Variants in SEZ6L observed in about 807,000 individuals in gnomAD.
SEZ6L encodes seizure related 6 homolog like.
In SEZ6L, 37 loss-of-function variants were observed where a neutral mutation model predicts 106.2. The observed-to-expected ratio is 0.35, with a 90% CI of 0.27 to 0.46. The LOEUF is 0.46. Among genes scored for constraint, SEZ6L ranks in the 20% least tolerant of loss-of-function variants. The pLI, the probability that SEZ6L is intolerant of heterozygous loss-of-function variation, is 1.00. For synonymous variants in SEZ6L, 541 were observed against 570.4 expected (o/e 0.95, Z 0.73); for missense variants, 1,172 against 1,332.8 (o/e 0.88, Z 1.88).
chr22:26,306,218 C>A lies in SEZ6L; in HGVS notation c.1514+74C>A, dbSNP rs1390123526. On this transcript the variant is annotated intron_variant, in intron 6 of 16. Transcript: ENST00000248933. ...AGAACATGGCTTGAGGACTTGGAGT[C>A]TTGAAATGGCTGAAGCTTTGACCCT... 10 of 1,511,184 alleles carry A rather than the reference C, an allele frequency of 6.6e-6. No homozygotes were observed. The Admixed American group carries it at 1.8e-4, about 27-fold the overall frequency. The allele number at this position is 1,511,184 out of a possible 1,614,324, so 93.6% of individuals were successfully genotyped here. A position where few individuals can be genotyped will look rare whatever the true frequency, so the allele number is the denominator to read the frequency against.
At chr22:26,303,918 A>C (rs1009927292) in intron 5 of SEZ6L, among the ~76,000 whole-genome samples, 1 of 152,162 alleles carries the variant, frequency 6.6e-6, no homozygotes, top group Admixed American at 6.5e-5. Flanking sequence ...AAAAGATAGA[A>C]ATGGCTCCCA....
chr22:26,295,399 G>A (rs1391758191), intron 3 of SEZ6L, among the ~76,000 whole-genome samples: 5 of 152,194 alleles, frequency 3.3e-5, no homozygotes, highest in Admixed American at 2.6e-4. Flanking sequence ...AAGTTTCTGA[G>A]CTGGGGCAGG....
At chr22:26,317,719 C>T (rs1274836917) in intron 9 of SEZ6L, among the ~76,000 whole-genome samples, 1 of 152,064 alleles carries the variant, frequency 6.6e-6, no homozygotes. Flanking sequence ...GAAGGGAGCC[C>T]TTGCAGCGGG....
At chr22:26,284,131 AG>A (rs766864053) in intron 1 of SEZ6L, among the ~76,000 whole-genome samples, 30 of 152,210 alleles carry the variant, frequency 2.0e-4, no homozygotes, top group Non-Finnish European at 4.1e-4. Context: ...CCCACCATAC[AG>A]ATGAGAACAG....
At chr22:26,198,526 A>G (rs1252676452) in intron 1 of SEZ6L, among the ~76,000 whole-genome samples, 2 of 152,258 alleles carry the variant, frequency 1.3e-5, no homozygotes, top group Non-Finnish European at 2.9e-5. Flanking sequence ...TGATACCAGC[A>G]TATACACAGA....
chr22:26,172,846 A>G (rs1938719480), intron 1 of SEZ6L, among the ~76,000 whole-genome samples: 1 of 152,238 alleles, frequency 6.6e-6, no homozygotes, highest in Admixed American at 6.5e-5. Context: ...TCCAAGGAAA[A>G]TGTCAATCCA....
rs601548 is a variant in SEZ6L at position 26,381,985 on chromosome 22, T to G, written c.*1690T>G. 78,458 of 517,632 alleles carry G rather than the reference T, an allele frequency of 0.15. 6,835 individuals are homozygous for G. The highest frequency in any genetic ancestry group is 0.19 in the Non-Finnish European group (49,795 of 259,230). 32.1% of individuals were successfully genotyped at this position (517,632 alleles called of 1,614,324 possible). On this transcript the variant is annotated 3_prime_UTR_variant, in exon 17 of 17. Transcript: ENST00000248933. ...TACATTGGAAACATCTTAAGCAAGA[T>G]AGGGAAAGTTGATTTTAGGCACACA...
chr22:26,331,385 TC>T (rs1208400356), intron 9 of SEZ6L, among the ~76,000 whole-genome samples: 1 of 152,150 alleles, frequency 6.6e-6, no homozygotes, highest in African/African-American at 2.4e-5. Context: ...TACAAAAAGG[TC>T]TACTGTGAAA....
At position 26,382,198 on chromosome 22, in the gene SEZ6L, G is replaced by T. The variant is rs1004337123; in HGVS notation, c.*1903G>T. 3 of 366,026 alleles carry T rather than the reference G, an allele frequency of 8.2e-6. No homozygotes were observed. The highest frequency in any genetic ancestry group is 1.6e-5 in the Non-Finnish European group (3 of 184,454). The allele number at this position is 366,026 out of a possible 1,614,324, so 22.7% of individuals were successfully genotyped here. ...CCCATTTAATGCAAGAACCAGAGAA[G>T]TGTTCTAGGCCATTAGTGGACAATG... is the stretch of plus-strand genomic sequence containing the variant. On this transcript the variant is annotated 3_prime_UTR_variant, in exon 17 of 17. Coordinates refer to ENST00000248933, the MANE Select transcript of SEZ6L (RefSeq NM_021115.5).
At chr22:26,178,049 T>G (rs967191032) in intron 1 of SEZ6L, among the ~76,000 whole-genome samples, 9 of 152,212 alleles carry the variant, frequency 5.9e-5, no homozygotes, top group Non-Finnish European at 1.0e-4. Context: ...CAAGTTTATG[T>G]CCTGAGACCC....
In SEZ6L at chr22:26,310,686, G is replaced by T; in HGVS notation, c.1531G>T (p.Gly511Trp). 3 of 1,614,106 alleles carry T rather than the reference G, an allele frequency of 1.9e-6. No individual in the cohort carries two copies. Among genetic ancestry groups the T allele is most frequent in the Non-Finnish European group, 2.5e-6 (3 of 1,180,004 alleles). ...HDKDRMTVHS[G>W]QTNKSALLYD... ...CACTGCCAGGATGACGGTTCACAGC[G>T]GGCAGACCAACAAGTCAGCTCTTCT... Residue 511 changes from glycine to tryptophan, a missense_variant, in exon 7 of 17, where the codon GGG becomes TGG. Gly to Trp is a radical substitution (Grantham distance 184). Coordinates refer to ENST00000248933, the MANE Select transcript of SEZ6L (RefSeq NM_021115.5).
chr22:26,188,151 C>T (rs1939925145), intron 1 of SEZ6L, among the ~76,000 whole-genome samples: 1 of 152,206 alleles, frequency 6.6e-6, no homozygotes, highest in Admixed American at 6.5e-5. Context: ...CACATGTACC[C>T]TCTTCCAGGG....
chr22:26,379,811 T>A (rs1352426763), intron 16 of SEZ6L, among the ~76,000 whole-genome samples: 1 of 152,230 alleles, frequency 6.6e-6, no homozygotes, highest in Non-Finnish European at 1.5e-5. Flanking sequence ...ATCAGTGACC[T>A]AGAACTATAG....
At chr22:26,325,746 A>G (rs868066492) in intron 9 of SEZ6L, among the ~76,000 whole-genome samples, 2 of 107,778 alleles carry the variant, frequency 1.9e-5, no homozygotes, top group Non-Finnish European at 3.8e-5. Context: ...TGAAAATAAC[A>G]ATGGTACCCA....
chr22:26,222,737 T>G (rs1342469659), intron 1 of SEZ6L, among the ~76,000 whole-genome samples: 1 of 152,170 alleles, frequency 6.6e-6, no homozygotes, highest in Non-Finnish European at 1.5e-5. Context: ...AAAATTTTTT[T>G]CATTTATGTA....
At chr22:26,248,032 A>G (rs1049832654) in intron 1 of SEZ6L, among the ~76,000 whole-genome samples, 2 of 152,192 alleles carry the variant, frequency 1.3e-5, no homozygotes, top group Admixed American at 6.5e-5. Context: ...CTGTGTCTCC[A>G]TCACAGAGAG....
At chr22:26,324,064 C>CCACACACACA (rs71311560) in intron 9 of SEZ6L, among the ~76,000 whole-genome samples, 5,541 of 140,148 alleles carry the variant, frequency 0.04, 115 homozygotes, top group Middle Eastern at 0.078. Context: ...CAGTTTTTAA[C>CCACACACACA]CACACACACA....
At position 26,379,178 on chromosome 22, in the gene SEZ6L, C is replaced by T. The variant is rs143731178; in HGVS notation, c.3046-1088C>T. Among the ~76,000 whole-genome samples the T allele has an allele frequency of 6.5e-3, 994 of 152,334 alleles. 6 individuals are homozygous for T. Among genetic ancestry groups the T allele is most frequent in the Non-Finnish European group, 0.01 (714 of 68,028 alleles). On this transcript the variant is annotated intron_variant, in intron 16 of 16. Coordinates refer to ENST00000248933, the MANE Select transcript of SEZ6L (RefSeq NM_021115.5). ...TTCTTGCGGGCTGTCTTCTAGGGGC[C>T]ACCCGCAGTTTCTTCCATGTGGGCC...
chr22:26,365,506 A>G lies in SEZ6L; in HGVS notation c.2734A>G (p.Thr912Ala). 6.2e-7 allele frequency: 1 copy of G among 1,614,076 alleles called. No individual in the cohort carries two copies. Among genetic ancestry groups the G allele is most frequent in the East Asian group, 2.2e-5 (1 of 44,864 alleles). The change falls in exon 13 of 17, where the codon ACC (threonine) becomes GCC (alanine). Residue 912 changes from threonine to alanine, a missense_variant. Thr to Ala is a moderately conservative substitution (Grantham distance 58). Around this residue, in one of 4 missense-constraint regions of SEZ6L, gnomAD observed 141 missense variants for 176.0 expected, o/e 0.80. Transcript: ENST00000248933. ...YEGFELMGEV[T>A]IRCILGQPSH... ...AGGCTTTGAGCTCATGGGTGAAGTGACCATCCGCTGCATCCTGGGACAGCC... is the reference window on the plus strand; with the variant it reads ...AGGCTTTGAGCTCATGGGTGAAGTGGCCATCCGCTGCATCCTGGGACAGCC...
Sources: gnomAD v4.1 joint callset for allele counts (sites outside exome capture counted in the v4.1 genomes callset) on GRCh38, gnomAD v4.1.1 for gene constraint, gnomAD v4.1.1 regional missense constraint, MANE v1.5 for transcripts, NCBI Gene and HGNC (gene_info 2026-07-23, HGNC 2026-07-21) for gene names.